The following RNF41 variants were observed in gnomAD, a reference collection of about 807,000 sequenced individuals.
RNF41 encodes the protein ring finger protein 41, also known as E3 ubiquitin-protein ligase NRDP1.
RNF41 carries 4 observed loss-of-function variants against 33.0 expected under a neutral mutation model. The observed-to-expected ratio is 0.12, with a 90% confidence interval of 0.06 to 0.28. The LOEUF (loss-of-function observed/expected upper bound fraction) is 0.28, where lower values mean the gene tolerates loss of function less well. RNF41 is among the 10% of genes least tolerant of loss of function. RNF41 has a pLI of 1.00. For missense variants in RNF41, 228 were observed against 432.6 expected (o/e 0.53, Z 4.19); for synonymous variants, 164 against 153.2 (o/e 1.07, Z -0.52).
chr12:56,214,102 C>G, intron 2 of RNF41, 32 bp from the exon 3 acceptor site: 1 of 1,110,240 alleles, frequency 9.0e-7, no homozygotes, highest in Non-Finnish European at 1.4e-6. Context: ...GAGGCCAGTT[C>G]AGAAGAAGCC....
intron 3 of RNF41, among the ~76,000 whole-genome samples, chr12:56,212,770 A>T (rs1045449177): frequency 6.6e-6 from 1 of 152,134 alleles, no homozygotes; most frequent in Admixed American, 6.6e-5. Context: ...TGGGAGAAAA[A>T]ATAAAGGCTC....
rs1359893081 is a variant in RNF41, at chr12:56,204,520, G to A, written c.*1927C>T. The stretch of plus-strand genomic sequence containing the variant: ...GAAGAATTTAGAGAGTTGAGTAAAA[G>A]GTTTATTATTAGTGCAGTCAACACC... On this transcript the variant is annotated 3_prime_UTR_variant, in exon 7 of 7. Transcript: ENST00000345093. The A allele has an allele frequency of 1.3e-5, 2 of 152,306 alleles. No individual in the cohort carries two copies. Among genetic ancestry groups the A allele is most frequent in the Admixed American group, 6.6e-5 (1 of 15,256 alleles). 9.4% of individuals were successfully genotyped at this position (152,306 alleles called of 1,614,324 possible).
intron 1 of RNF41, among the ~76,000 whole-genome samples, chr12:56,220,896 A>G (rs79269008): frequency 0.015 from 2,303 of 152,068 alleles, 36 homozygotes; most frequent in Non-Finnish European, 0.023. Context: ...AGTCCACTAC[A>G]TTCTTATTTG....
At position 56,204,702 on chromosome 12, in the gene RNF41, TGTA is replaced by T. The variant is rs976720611; in HGVS notation, c.*1742_*1744del. On this transcript the variant is annotated 3_prime_UTR_variant, in exon 7 of 7. Transcript: ENST00000345093. ...GTAGGGGAAAGGGGAGTGGAAGAAA[TGTA>T]GTAACCAGAGTAAGTATAGCAGCGT... 4 of 152,506 alleles carry T rather than the reference TGTA, an allele frequency of 2.6e-5. No homozygotes were observed. The highest frequency in any genetic ancestry group is 9.7e-5 in the African/African-American group (4 of 41,338). The allele number at this position is 152,506 out of a possible 1,614,324, so 9.4% of individuals were successfully genotyped here. A position where few individuals can be genotyped will look rare whatever the true frequency, so the allele number is the denominator to read the frequency against.
At chr12:56,217,274 C>T (rs975580998) in intron 1 of RNF41, among the ~76,000 whole-genome samples, 1 of 150,340 alleles carries the variant, frequency 6.7e-6, no homozygotes, top group South Asian at 2.1e-4. Context: ...ATCCAGGTTG[C>T]GATGGCTCAC....
At chr12:56,210,186 C>T in intron 4 of RNF41, 111 bp downstream of exon 4, 1 of 1,192,296 alleles carries the variant, frequency 8.4e-7, no homozygotes, top group African/African-American at 1.5e-5. Flanking sequence ...TAAGAATACT[C>T]CTTGCCAACA....
At chr12:56,214,420 T>G (rs1427554417) in intron 2 of RNF41, among the ~76,000 whole-genome samples, 1 of 150,682 alleles carries the variant, frequency 6.6e-6, no homozygotes, top group African/African-American at 2.5e-5. Flanking sequence ...CTCGGGAGGC[T>G]GAGGCAGGAG....
At chr12:56,209,931 T>C (rs1868365096) in intron 4 of RNF41, 1 of 264,970 alleles carries the variant, frequency 3.8e-6, no homozygotes, top group Non-Finnish European at 7.4e-6. Flanking sequence ...GAATATTTCA[T>C]AACCCACAGA....
chr12:56,209,457 A>AT (rs60545688), intron 4 of RNF41, among the ~76,000 whole-genome samples: 4,906 of 124,640 alleles, frequency 0.039, 288 homozygotes, highest in African/African-American at 0.13. Flanking sequence ...CACTTGGCTA[A>AT]TTTTTTTTTT....
intron 4 of RNF41, chr12:56,210,055 A>T: frequency 1.8e-6 from 1 of 552,206 alleles, no homozygotes. Flanking sequence ...ATCAAGCTTT[A>T]ATGTTATTAC....
At position 56,202,601 on chromosome 12, in the gene RNF41, A is replaced by C. The variant is rs1327254694; in HGVS notation, c.*3846T>G. 6.6e-6 allele frequency: 1 copy of C among 152,252 alleles called. No homozygotes were observed. Among genetic ancestry groups the C allele is most frequent in the Non-Finnish European group, 1.5e-5 (1 of 68,048 alleles). 9.4% of individuals were successfully genotyped at this position (152,252 alleles called of 1,614,324 possible). On this transcript the variant is annotated 3_prime_UTR_variant, in exon 7 of 7. Transcript: ENST00000345093. ...GTTTGCTGACCTCTGACCTATAACAAGTAACACTTCCTGAAAAGCCTTTCC... is the reference window on the plus strand; with the variant it reads ...GTTTGCTGACCTCTGACCTATAACACGTAACACTTCCTGAAAAGCCTTTCC...
intron 1 of RNF41, among the ~76,000 whole-genome samples, chr12:56,217,976 T>C (rs1360782561): frequency 2.0e-5 from 3 of 151,890 alleles, no homozygotes; most frequent in Non-Finnish European, 4.4e-5. Flanking sequence ...TATTTCGAGA[T>C]AGAGTCTCGC....
Position 56,203,429 on chromosome 12 carries a change from T to A in RNF41, c.*3018A>T, listed in dbSNP as rs1321914667. On this transcript the variant is annotated 3_prime_UTR_variant, in exon 7 of 7. Transcript: ENST00000345093. The stretch of plus-strand genomic sequence containing the variant: ...TTTTTTTTTTTTTTTTGAGACGGAG[T>A]CTTGCTCTGTTGCCCAGGCTGGAGT... The A allele has an allele frequency of 7.5e-6, 1 of 132,990 alleles. No homozygotes were observed. Among genetic ancestry groups the A allele is most frequent in the Non-Finnish European group, 1.6e-5 (1 of 63,694 alleles). The allele number at this position is 132,990 out of a possible 1,614,324, so 8.2% of individuals were successfully genotyped here.
At chr12:56,213,876 T>C (rs894291525) in intron 3 of RNF41, 82 bp downstream of exon 3, 1 of 895,402 alleles carries the variant, frequency 1.1e-6, no homozygotes, top group African/African-American at 1.6e-5. Flanking sequence ...GACTTCACCA[T>C]GGGTCCCGCT....
At chr12:56,216,891 AG>A (rs1430938144) in intron 1 of RNF41, among the ~76,000 whole-genome samples, 1 of 152,226 alleles carries the variant, frequency 6.6e-6, no homozygotes, top group Admixed American at 6.5e-5. Context: ...CTGTAATCCC[AG>A]CTCTTAGGGA....
chr12:56,206,881 C>T lies in RNF41; in HGVS notation c.603-83G>A. 3 of 1,046,404 alleles carry T rather than the reference C, an allele frequency of 2.9e-6. No individual in the cohort carries two copies. Among genetic ancestry groups the T allele is most frequent in the Non-Finnish European group, 2.8e-6 (2 of 727,096 alleles). 64.8% of individuals were successfully genotyped at this position (1,046,404 alleles called of 1,614,324 possible). A position where few individuals can be genotyped will look rare whatever the true frequency, so the allele number is the denominator to read the frequency against. ...TTTTTCTGCTAATAGAAATAACTAC[C>T]CACTCTGCACTCAGCTTACCTATTC... On this transcript the variant is annotated intron_variant, in intron 6 of 6. Transcript: ENST00000345093. The surrounding 1 kb of genome is among the most constrained non-coding windows in gnomAD (Gnocchi z 5.7).
rs769338902 is a variant in RNF41 at position 56,207,721 on chromosome 12, T to C, written c.527A>G (p.Tyr176Cys). ...GTTGACACTGCGGATTGCACGCATG[T>C]ATGCCTTTAGCAGCTGGATGTCTCG... ...QKRDIQLLKA[Y>C]MRAIRSVNPN... is the part of the protein sequence containing the mutation. Residue 176 changes from tyrosine to cysteine, a missense_variant, in exon 6 of 7, where the codon TAC becomes TGC. This residue lies in a region of RNF41 where 199 missense variants were observed against 334.6 expected (regional missense o/e 0.59). Coordinates refer to ENST00000345093, the MANE Select transcript of RNF41 (RefSeq NM_005785.4). 1.2e-6 allele frequency: 2 copies of C among 1,614,146 alleles called. No individual in the cohort carries two copies. Among genetic ancestry groups the C allele is most frequent in the South Asian group, 1.1e-5 (1 of 91,082 alleles).
chr12:56,217,112 C>G (rs561217873), intron 1 of RNF41, among the ~76,000 whole-genome samples: 26 of 150,318 alleles, frequency 1.7e-4, no homozygotes, highest in African/African-American at 6.4e-4. Flanking sequence ...CGCACTCCAG[C>G]CTGGGCGACA....
chr12:56,219,668 T>TACAC (rs375047200), intron 1 of RNF41, among the ~76,000 whole-genome samples: 1 of 150,452 alleles, frequency 6.6e-6, no homozygotes, highest in Non-Finnish European at 1.5e-5. Context: ...TATATGTGTA[T>TACAC]ATACACGCGC....
Sources: gnomAD v4.1 joint callset for allele counts (sites outside exome capture counted in the v4.1 genomes callset) on GRCh38, gnomAD v4.1.1 for gene constraint, gnomAD v4.1.1 regional missense constraint, Gnocchi (gnomAD v3.1) non-coding constraint, MANE v1.5 for transcripts, NCBI Gene and HGNC (gene_info 2026-07-23, HGNC 2026-07-21) for gene names.